TMC6: variants seen among roughly 807,000 people sequenced by gnomAD.
The protein encoded by TMC6 is transmembrane channel-like protein 6.
Under a neutral mutation model 95.4 loss-of-function variants are expected in TMC6, and 71 were observed. The ratio of observed to expected loss-of-function variants is 0.74; its 90% CI spans 0.61 to 0.91. The LOEUF (loss-of-function observed/expected upper bound fraction) is 0.91, where lower values mean the gene tolerates loss of function less well. Ranked by LOEUF, TMC6 falls within the 40% of genes least tolerant of loss-of-function variation. The probability of loss-of-function intolerance (pLI) is 0.00; values close to 1 mark genes in which losing one functional copy is unlikely to be tolerated. For synonymous variants in TMC6, 514 were observed against 483.1 expected (o/e 1.06, Z -0.84); for missense variants, 1,074 against 1,079.1 (o/e 1.00, Z 0.07).
At chr17:78,119,234 C>T (rs1359714014) in intron 14 of TMC6, 63 bp downstream of exon 14, 2 of 1,599,564 alleles carry the variant, frequency 1.3e-6, no homozygotes, top group African/African-American at 1.3e-5. Context: ...GTACAGGACC[C>T]CCGGGGGGAA....
At position 78,128,634 on chromosome 17, in the gene TMC6, G is replaced by C. The variant is rs945305511; in HGVS notation, c.-97C>G. ...CACCTGGGAGGCGCCGGGGAGGAGGGGCCGCGCGCGCAGCCAGGGCTCACC... is the reference window on the plus strand; with the variant it reads ...CACCTGGGAGGCGCCGGGGAGGAGGCGCCGCGCGCGCAGCCAGGGCTCACC... On this transcript the variant is annotated 5_prime_UTR_variant, in exon 1 of 20. Coordinates refer to ENST00000590602, the MANE Select transcript of TMC6 (RefSeq NM_001127198.5). This position sits in a 1 kb window ranked among gnomAD's most constrained non-coding sequence, Gnocchi z 4.0. 2.0e-5 allele frequency: 3 copies of C among 152,374 alleles called. No individual in the cohort carries two copies. Among genetic ancestry groups the C allele is most frequent in the East Asian group, 3.9e-4 (2 of 5,142 alleles). 9.4% of individuals were successfully genotyped at this position (152,374 alleles called of 1,614,324 possible).
chr17:78,121,035 C>G lies in TMC6; in HGVS notation c.1513G>C (p.Glu505Gln), dbSNP rs1598851405. 1.2e-6 allele frequency: 2 copies of G among 1,613,276 alleles called. No individual in the cohort carries two copies. The highest frequency in any genetic ancestry group is 2.7e-5 in the African/African-American group (2 of 74,928). Residue 505 changes from glutamate (E) to glutamine (Q), a missense_variant, in exon 12 of 20, where the codon GAG becomes CAG. Physicochemically the swap from Glu to Gln is conservative, Grantham distance 29. Transcript: ENST00000590602. This position sits in a 1 kb window ranked among gnomAD's most constrained non-coding sequence, Gnocchi z 5.6. ...CACCTGCAGATGGCCACGTACACCT[C>G]CAGTACCGGGGAGTCATGCGGCTCC... ...ALEPHDSPVLEVYVAICRNLI... is the reference protein window; with the variant it reads ...ALEPHDSPVLQVYVAICRNLI...
chr17:78,113,369 A>T (rs1258320344), intron 19 of TMC6, among the ~76,000 whole-genome samples, 158 bp from the exon 20 acceptor site: 3 of 152,166 alleles, frequency 2.0e-5, no homozygotes, highest in Non-Finnish European at 4.4e-5. Context: ...CAGGCTCCGG[A>T]GGCCAGAGAA....
rs778830451 is a variant in TMC6 at position 78,120,635 on chromosome 17, C to T, written c.1715+18G>A. ...AGGGGAGAACACTCACCACCCAGTC[C>T]GCCCAGGACCCCCTCACCTCCACAC... is the stretch of plus-strand genomic sequence containing the variant. On this transcript the variant is annotated intron_variant, in intron 13 of 19. Transcript: ENST00000590602. The T allele has an allele frequency of 6.2e-6, 10 of 1,613,892 alleles. No individual in the cohort carries two copies. Among genetic ancestry groups the T allele is most frequent in the Admixed American group, 3.3e-5 (2 of 59,998 alleles).
chr17:78,129,445 A>C (rs77036372), upstream of TMC6, among the ~76,000 whole-genome samples: 2,067 of 152,214 alleles, frequency 0.014, 39 homozygotes, highest in African/African-American at 0.047. This position sits in a 1 kb window ranked among gnomAD's most constrained non-coding sequence, Gnocchi z 4.3. Context: ...GCCCCCAGCC[A>C]AAGCAGGAGA....
chr17:78,125,649 G>A (rs983167735), intron 5 of TMC6, 77 bp downstream of exon 5: 280 of 1,532,072 alleles, frequency 1.8e-4, no homozygotes, highest in African/African-American at 1.8e-3. Flanking sequence ...CCCAGCCACC[G>A]CCCAGGCCAG....
In TMC6 at chr17:78,125,361, G is replaced by A. The variant is rs540556521; in HGVS notation, c.431-98C>T. 395 of 1,082,758 alleles carry A rather than the reference G, an allele frequency of 3.6e-4. No individual in the cohort carries two copies. In the African/African-American group the frequency reaches 4.6e-3, roughly 13 times the overall value. 67.1% of individuals were successfully genotyped at this position (1,082,758 alleles called of 1,614,324 possible). On this transcript the variant is annotated intron_variant, in intron 5 of 19. Coordinates refer to ENST00000590602, the MANE Select transcript of TMC6 (RefSeq NM_001127198.5). ...CAGGCCTGTGTGTCCCTGCGGCACC[G>A]TCCCGAGACACCTCGGTGCCCTTAT...
Position 78,121,298 on chromosome 17 carries a change from A to G in TMC6, c.1384-134T>C. On this transcript the variant is annotated intron_variant, in intron 11 of 19. Coordinates refer to ENST00000590602, the MANE Select transcript of TMC6 (RefSeq NM_001127198.5). This position sits in a 1 kb window ranked among gnomAD's most constrained non-coding sequence, Gnocchi z 5.6. The stretch of plus-strand genomic sequence containing the variant: ...CAAGATCTGGCCCTCCCCAGGCCTC[A>G]AGTTCAAACCACACAGGAAGCAGGG... 6.9e-7 allele frequency: 1 copy of G among 1,439,084 alleles called. No homozygotes were observed. Among genetic ancestry groups the G allele is most frequent in the Non-Finnish European group, 9.4e-7 (1 of 1,063,200 alleles). The allele number at this position is 1,439,084 out of a possible 1,614,324, so 89.1% of individuals were successfully genotyped here. A position where few individuals can be genotyped will look rare whatever the true frequency, so the allele number is the denominator to read the frequency against.
At chr17:78,120,190 T>C in intron 13 of TMC6, 1 of 330,254 alleles carries the variant, frequency 3.0e-6, no homozygotes, top group South Asian at 2.4e-5. Context: ...AACACAGTCT[T>C]GCTCTGTCGC....
chr17:78,124,365 AG>A, intron 8 of TMC6, 158 bp downstream of exon 8: 1 of 1,350,860 alleles, frequency 7.4e-7, no homozygotes, highest in South Asian at 1.3e-5. Context: ...ATGAGCATCC[AG>A]GGTCATTGAG....
chr17:78,125,399 C>A, intron 5 of TMC6, 136 bp from the exon 6 acceptor site: 2 of 840,110 alleles, frequency 2.4e-6, no homozygotes, highest in South Asian at 1.4e-5. Context: ...GAGCTTCAGT[C>A]GCCAATCAGC....
intron 9 of TMC6, 63 bp downstream of exon 9, chr17:78,123,926 G>C: frequency 6.3e-7 from 1 of 1,589,418 alleles, no homozygotes; most frequent in Non-Finnish European, 8.6e-7. Context: ...CAATGAATGG[G>C]TCGAAAGATG....
At position 78,121,606 on chromosome 17, in the gene TMC6, C is replaced by G. The variant is rs750556964; in HGVS notation, c.1333G>C (p.Ala445Pro). The G allele has an allele frequency of 1.2e-6, 2 of 1,611,288 alleles. 1 individual carries two copies. The highest frequency in any genetic ancestry group is 2.2e-5 in the South Asian group (2 of 91,034). The change falls in exon 11 of 20, where the codon GCG (alanine) becomes CCG (proline). Residue 445 changes from alanine (A) to proline (P), a missense_variant. Physicochemically the swap from Ala to Pro is conservative, Grantham distance 27 (BLOSUM62 -1). Coordinates refer to ENST00000590602, the MANE Select transcript of TMC6 (RefSeq NM_001127198.5). The surrounding 1 kb of genome is among the most constrained non-coding windows in gnomAD (Gnocchi z 5.6). Reference sequence around the variant, plus strand: ...TGGACGGCCACGGCGCAGCCCAGCGCGGTCCCCAGACACAGCAGCCACACA... The same window carrying G: ...TGGACGGCCACGGCGCAGCCCAGCGGGGTCCCCAGACACAGCAGCCACACA... ...GLVWLLCLGT[A>P]LGCAVAVHVF...
intron 8 of TMC6, 32 bp downstream of exon 8, chr17:78,124,492 C>T (rs1479885716): frequency 1.0e-5 from 16 of 1,602,430 alleles, no homozygotes; most frequent in African/African-American, 1.3e-5. Flanking sequence ...AAGACAGGCA[C>T]CCCCCGTCCC....
rs199605397 is a variant in TMC6 at position 78,117,876 on chromosome 17, G to A, written c.1947C>T (p.Ser649=). 2 of 1,607,160 alleles carry A rather than the reference G, an allele frequency of 1.2e-6. No homozygotes were observed. Among genetic ancestry groups the A allele is most frequent in the East Asian group, 2.2e-5 (1 of 44,660 alleles). The change falls in exon 16 of 20, where the codon AGC becomes AGT. Residue 649 remains serine (S), a synonymous_variant. Transcript: ENST00000590602. ...AGCAGAGCAGCGTGAGGAAGACGGT[G>A]CTCATGTGTGAGGCCAGCCAGGGCC... is the stretch of plus-strand genomic sequence containing the variant. The part of the protein sequence containing the change: ...PRRPWLASHM[S]TVFLTLLCFP...
At chr17:78,128,802 G>GGGC (rs1302762518), upstream of TMC6, 1 of 114,338 alleles carries the variant, frequency 8.7e-6, no homozygotes, top group African/African-American at 5.5e-5. This position sits in a 1 kb window ranked among gnomAD's most constrained non-coding sequence, Gnocchi z 4.0. Context: ...CGTGGGCGGG[G>GGGC]GGGGGGGGGG....
chr17:78,110,097 T>A lies in TMC6; in HGVS notation c.*3051A>T, dbSNP rs1200178251. The A allele has an allele frequency of 1.3e-5, 2 of 152,918 alleles. No individual in the cohort carries two copies. The highest frequency in any genetic ancestry group is 4.8e-5 in the African/African-American group (2 of 41,264). 9.5% of individuals were successfully genotyped at this position (152,918 alleles called of 1,614,324 possible). On this transcript the variant is annotated 3_prime_UTR_variant, in exon 20 of 20. Coordinates refer to ENST00000590602, the MANE Select transcript of TMC6 (RefSeq NM_001127198.5). ...AAAAAAAAAAAATTCACATCCAAAA[T>A]TTTAAAGATAATTCAAATCCAAATC...
At position 78,126,666 on chromosome 17, in the gene TMC6, G is replaced by C. The variant is rs202180344; in HGVS notation, c.57-18C>G. ...GGCCCTGGCTGCAGAGGGGGTTGGC[G>C]GGGGGGTCAGGCTCCAGCCACCTCT... is the stretch of plus-strand genomic sequence containing the variant. On this transcript the variant is annotated intron_variant, in intron 2 of 19. Transcript: ENST00000590602. 10 of 1,611,666 alleles carry C rather than the reference G, an allele frequency of 6.2e-6. No homozygotes were observed. Among genetic ancestry groups the C allele is most frequent in the African/African-American group, 5.3e-5 (4 of 74,838 alleles).
Position 78,122,269 on chromosome 17 carries a change from A to G in TMC6, c.1227+336T>C, listed in dbSNP as rs932247649. Reference sequence around the variant, plus strand: ...GACAGTCCTCACCCACTGGCCTCCTATGGCCACCAACCAAGCTAACGCCAG... The same window carrying G: ...GACAGTCCTCACCCACTGGCCTCCTGTGGCCACCAACCAAGCTAACGCCAG... On this transcript the variant is annotated intron_variant, in intron 10 of 19. Transcript: ENST00000590602. This position sits in a 1 kb window ranked among gnomAD's most constrained non-coding sequence, Gnocchi z 4.9. Among the ~76,000 whole-genome samples, 1 of 152,014 alleles carries G rather than the reference A, an allele frequency of 6.6e-6. No individual in the cohort carries two copies. The highest frequency in any genetic ancestry group is 1.5e-5 in the Non-Finnish European group (1 of 67,982).
Sources: allele counts gnomAD v4.1 joint callset (sites outside exome capture counted in the v4.1 genomes callset), GRCh38; gene constraint gnomAD v4.1.1; non-coding constraint Gnocchi (gnomAD v3.1); transcripts MANE v1.5; gene names NCBI Gene and HGNC (gene_info 2026-07-23, HGNC 2026-07-21).